The following ARHGEF9 variants were observed in gnomAD, a reference collection of about 807,000 sequenced individuals.
ARHGEF9 encodes the protein rho guanine nucleotide exchange factor 9.
ARHGEF9 carries 2 observed loss-of-function variants against 41.3 expected under a neutral mutation model. That is an observed-to-expected ratio of 0.05 (90% CI 0.02 to 0.15). The LOEUF (loss-of-function observed/expected upper bound fraction) is 0.15. ARHGEF9 is among the 10% of genes least tolerant of loss of function. The probability of loss-of-function intolerance (pLI) is 1.00; values close to 1 mark genes in which losing one functional copy is unlikely to be tolerated. For missense variants in ARHGEF9, 225 were observed against 424.7 expected (o/e 0.53, Z 4.13); for synonymous variants, 160 against 154.4 (o/e 1.04, Z -0.27).
intron 6 of ARHGEF9, among the ~76,000 whole-genome samples, chrX:63,672,243 C>T (rs1488124402): frequency 1.8e-5 from 2 of 110,786 alleles, no homozygotes; most frequent in Non-Finnish European, 3.8e-5. Context: ...TGATCTTGGA[C>T]TTCCCAGCTT....
chrX:63,685,009 G>A (rs2050895361), intron 4 of ARHGEF9, among the ~76,000 whole-genome samples: 1 of 110,280 alleles, frequency 9.1e-6, no homozygotes, highest in Non-Finnish European at 1.9e-5. Flanking sequence ...AAGTCAAAGG[G>A]CACAAAGTTG....
At chrX:63,677,897 A>G (rs1556364406) in intron 5 of ARHGEF9, among the ~76,000 whole-genome samples, 1 of 111,837 alleles carries the variant, frequency 8.9e-6, no homozygotes, top group African/African-American at 3.3e-5. Context: ...GCCATATATA[A>G]TTTACCTAGT....
At chrX:63,782,689 A>T (rs782671904) in intron 1 of ARHGEF9, among the ~76,000 whole-genome samples, 1 of 112,719 alleles carries the variant, frequency 8.9e-6, no homozygotes, top group Non-Finnish European at 1.9e-5. Context: ...ACGAAAGAAC[A>T]AGGAGCAAAG....
At chrX:63,730,358 T>C (rs1236382673) in intron 1 of ARHGEF9, among the ~76,000 whole-genome samples, 2 of 112,161 alleles carry the variant, frequency 1.8e-5, no homozygotes, top group Non-Finnish European at 3.8e-5. Flanking sequence ...AACCCACAGT[T>C]ACCCAGTTAG....
intron 4 of ARHGEF9, among the ~76,000 whole-genome samples, chrX:63,682,013 G>C (rs1418637686): frequency 4.5e-5 from 5 of 110,156 alleles, no homozygotes; most frequent in African/African-American, 1.6e-4. Flanking sequence ...AACAAATAAA[G>C]AGATTGAAGT....
At chrX:63,646,166 C>T (rs1392510535) in intron 8 of ARHGEF9, among the ~76,000 whole-genome samples, 1 of 111,313 alleles carries the variant, frequency 9.0e-6, no homozygotes, top group African/African-American at 3.3e-5. Context: ...AAATTTTCTC[C>T]CATTCTGTAG....
rs1312235516 is a variant in ARHGEF9, at chrX:63,636,484, T to C, written c.*1544A>G. 7.3e-5 allele frequency: 9 copies of C among 122,660 alleles called. No individual in the cohort carries two copies. Among genetic ancestry groups the C allele is most frequent in the African/African-American group, 2.9e-4 (9 of 31,127 alleles). 10.1% of individuals were successfully genotyped at this position (122,660 alleles called of 1,213,427 possible). A position where few individuals can be genotyped will look rare whatever the true frequency, so the allele number is the denominator to read the frequency against. ...GGGTAGCATCCCTGCCTCAGACACGTTATTCAGAGGGAAAATTGCCCCTGG... is the reference window on the plus strand; with the variant it reads ...GGGTAGCATCCCTGCCTCAGACACGCTATTCAGAGGGAAAATTGCCCCTGG... On this transcript the variant is annotated 3_prime_UTR_variant, in exon 10 of 10. Coordinates refer to ENST00000671741, the MANE Select transcript of ARHGEF9 (RefSeq NM_001353921.2).
chrX:63,693,910 G>C (rs1556384596), intron 4 of ARHGEF9, among the ~76,000 whole-genome samples: 1 of 110,425 alleles, frequency 9.1e-6, no homozygotes, highest in Non-Finnish European at 1.9e-5. Flanking sequence ...CAGGCACGAT[G>C]GCTCACGCTT....
intron 7 of ARHGEF9, among the ~76,000 whole-genome samples, chrX:63,658,482 G>A (rs1166144236): frequency 2.7e-5 from 3 of 111,691 alleles, no homozygotes; most frequent in African/African-American, 9.8e-5. Context: ...GTATGGTTAC[G>A]GACAAGCCAG....
At chrX:63,667,106 T>C (rs1190523285) in intron 6 of ARHGEF9, among the ~76,000 whole-genome samples, 2 of 110,361 alleles carry the variant, frequency 1.8e-5, no homozygotes, top group Non-Finnish European at 3.8e-5. Context: ...GGACAAAGAG[T>C]AGTGTCCCAA....
chrX:63,729,663 T>C (rs10126994), intron 1 of ARHGEF9, among the ~76,000 whole-genome samples: 134 of 112,291 alleles, frequency 1.2e-3, no homozygotes, highest in African/African-American at 4.2e-3. Flanking sequence ...AGCATCATTC[T>C]AGCAAGGTAC....
chrX:63,775,121 T>A (rs1338678280), intron 1 of ARHGEF9, among the ~76,000 whole-genome samples: 1 of 112,302 alleles, frequency 8.9e-6, no homozygotes. Context: ...AAAACCACAA[T>A]GAGATACCAT....
At chrX:63,761,677 C>T (rs781917822) in intron 1 of ARHGEF9, among the ~76,000 whole-genome samples, 29 of 111,396 alleles carry the variant, frequency 2.6e-4, no homozygotes, top group Non-Finnish European at 4.7e-4. Flanking sequence ...TTCTGTTCTC[C>T]GATGACATAG....
At chrX:63,647,119 G>T (rs1462231815) in intron 8 of ARHGEF9, among the ~76,000 whole-genome samples, 1 of 111,819 alleles carries the variant, frequency 8.9e-6, no homozygotes, top group African/African-American at 3.3e-5. Flanking sequence ...ATCAGTTTAA[G>T]GAGATTTTGG....
intron 1 of ARHGEF9, chrX:63,766,881 G>A: frequency 2.7e-6 from 1 of 368,772 alleles, no homozygotes; most frequent in Non-Finnish European, 4.9e-6. Flanking sequence ...CAAGATGAAA[G>A]AAACAATCAT....
intron 8 of ARHGEF9, among the ~76,000 whole-genome samples, chrX:63,649,025 A>G (rs1405842144): frequency 9.0e-6 from 1 of 111,433 alleles, no homozygotes; most frequent in Non-Finnish European, 1.9e-5. Flanking sequence ...CCCCACTGTC[A>G]ACATTAGACA....
intron 7 of ARHGEF9, among the ~76,000 whole-genome samples, chrX:63,658,947 C>T (rs782183503): frequency 4.6e-4 from 51 of 111,779 alleles, no homozygotes; most frequent in Non-Finnish European, 7.5e-4. Flanking sequence ...CAATCTTAGC[C>T]TTCGAGGTCA....
chrX:63,693,405 T>C (rs1443981089), intron 4 of ARHGEF9, among the ~76,000 whole-genome samples: 2 of 109,084 alleles, frequency 1.8e-5, no homozygotes, highest in Non-Finnish European at 3.8e-5. Context: ...AGGTCAGGAG[T>C]TCCAGACGAG....
chrX:63,656,248 A>G (rs1807087984), intron 7 of ARHGEF9, among the ~76,000 whole-genome samples: 1 of 111,323 alleles, frequency 9.0e-6, no homozygotes, highest in African/African-American at 3.3e-5. Context: ...CACTCTGGGG[A>G]TTTTTAGAAA....
Sources: allele counts gnomAD v4.1 joint callset (sites outside exome capture counted in the v4.1 genomes callset), GRCh38; gene constraint gnomAD v4.1.1; transcripts MANE v1.5; gene names NCBI Gene and HGNC (gene_info 2026-07-23, HGNC 2026-07-21).